CCDC78: variants seen among roughly 807,000 people sequenced by gnomAD.
CCDC78 encodes the protein coiled-coil domain containing 78.
CCDC78 carries 78 observed loss-of-function variants against 61.9 expected under a neutral mutation model. The observed-to-expected ratio is 1.26, with a 90% CI of 1.05 to 1.52. The LOEUF (loss-of-function observed/expected upper bound fraction) is 1.52, where lower values mean the gene tolerates loss of function less well. CCDC78 is among the 40% of genes most tolerant of loss of function. The probability of loss-of-function intolerance (pLI) is 0.00; values close to 1 mark genes in which losing one functional copy is unlikely to be tolerated. For synonymous variants in CCDC78, 287 were observed against 251.9 expected, an observed-to-expected ratio of 1.14 and a Z score of -1.32; for missense variants, 737 against 615.5, an observed-to-expected ratio of 1.20 and a Z score of -2.09.
At position 723,996 on chromosome 16, in the gene CCDC78, C is replaced by T. The variant is rs1331905485; in HGVS notation, c.1054-60G>A. On this transcript the variant is annotated intron_variant, in intron 10 of 13. Coordinates refer to ENST00000345165, the MANE Select transcript of CCDC78 (RefSeq NM_001378030.1). Reference sequence around the variant, plus strand: ...CTGAACAAGGCAAGCCCCTCAGAGGCCCGGGGCTGAGGTCTCTGTTGAGCC... The same window carrying T: ...CTGAACAAGGCAAGCCCCTCAGAGGTCCGGGGCTGAGGTCTCTGTTGAGCC... 7 of 1,593,094 alleles carry T rather than the reference C, an allele frequency of 4.4e-6. No homozygotes were observed. In the African/African-American group the frequency reaches 9.4e-5, roughly 21 times the overall value.
chr16:726,836 A>G (rs548298624), upstream of CCDC78: 125 of 173,686 alleles, frequency 7.2e-4, 1 homozygote, highest in Admixed American at 2.1e-3. Context: ...GGGGCCGGAG[A>G]ACTCGGAAAC....
Position 726,038 on chromosome 16 carries a change from G to T in CCDC78, c.108C>A (p.Thr36=). 1 of 1,548,682 alleles carries T rather than the reference G, an allele frequency of 6.5e-7. No homozygotes were observed. ...CTTCCAAGCTGGTGGCCCACACTGC[G>T]GTGCCCCCAGGAGCTCCTGGCAGCC... The part of the protein sequence containing the change: ...KDWLPGAPGG[T]AVWATSLEAE... The change falls in exon 2 of 14, where the codon ACC becomes ACA. Residue 36 remains threonine, a synonymous_variant. Transcript: ENST00000345165.
In CCDC78 at chr16:725,975, C is replaced by T; in HGVS notation, c.171G>A (p.Gln57=). The T allele has an allele frequency of 6.4e-7, 1 of 1,554,744 alleles. No individual in the cohort carries two copies. Among genetic ancestry groups the T allele is most frequent in the Non-Finnish European group, 8.7e-7 (1 of 1,149,192 alleles). Residue 57 remains glutamine (Q), a synonymous_variant, in exon 2 of 14, where the codon CAG becomes CAA. Transcript: ENST00000345165. ...GGGGCCCCACACCCACCTGCAGCTG[C>T]TGCTCCTTATTGAGCGCTAGATCTG... is the stretch of plus-strand genomic sequence containing the variant. The part of the protein sequence containing the change: ...VPPDLALNKE[Q]QLQISKELVD...
intron 11 of CCDC78, 79 bp downstream of exon 11, chr16:723,778 A>C: frequency 7.3e-7 from 1 of 1,366,264 alleles, no homozygotes; most frequent in Non-Finnish European, 1.0e-6. Context: ...TGGTGGAGCA[A>C]CTGGGGGCCC....
At position 726,321 on chromosome 16, in the gene CCDC78, C is replaced by G. The variant is rs117949611; in HGVS notation, c.47G>C (p.Arg16Pro). ...CAGAGGACTCACATTCTCCACCCGCCGAGAGGGAGGTCCAGGCCTGGGGCC... is the reference window on the plus strand; with the variant it reads ...CAGAGGACTCACATTCTCCACCCGCGGAGAGGGAGGTCCAGGCCTGGGGCC... ...TTGPRPGPPS[R>P]RVENVVLRAK... is the part of the protein sequence containing the mutation. The change falls in exon 1 of 14, where the codon CGG becomes CCG. Residue 16 changes from arginine (R) to proline (P), a missense_variant. Arg to Pro is a moderately radical substitution (Grantham distance 103). Coordinates refer to ENST00000345165, the MANE Select transcript of CCDC78 (RefSeq NM_001378030.1). 3.9e-6 allele frequency: 6 copies of G among 1,548,422 alleles called. No homozygotes were observed. Among genetic ancestry groups the G allele is most frequent in the Non-Finnish European group, 5.2e-6 (6 of 1,146,702 alleles).
chr16:722,840 G>T, intron 13 of CCDC78, 51 bp from the exon 14 acceptor site: 1 of 1,608,526 alleles, frequency 6.2e-7, no homozygotes. Context: ...GGACAGGTCT[G>T]CTTTTAGCGC....
At position 723,808 on chromosome 16, in the gene CCDC78, T is replaced by C. The variant is rs775534623; in HGVS notation, c.1133+49A>G. On this transcript the variant is annotated intron_variant, in intron 11 of 13. Transcript: ENST00000345165. The stretch of plus-strand genomic sequence containing the variant: ...GGGCCCCAGGGTGCAGGCGTTGTGC[T>C]CTCTGCTCATCCCCCACAGGCCTCC... The C allele has an allele frequency of 3.3e-6, 5 of 1,523,398 alleles. No individual in the cohort carries two copies. In the Admixed American group the frequency reaches 5.9e-5, roughly 18 times the overall value. 94.4% of individuals were successfully genotyped at this position (1,523,398 alleles called of 1,614,324 possible).
intron 3 of CCDC78, 53 bp downstream of exon 3, chr16:725,741 G>A: frequency 6.3e-7 from 1 of 1,577,836 alleles, no homozygotes; most frequent in Non-Finnish European, 8.6e-7. Context: ...ACGTGTCCTG[G>A]GCCTGCACCC....
intron 11 of CCDC78, 55 bp from the exon 12 acceptor site, chr16:723,216 G>A (rs767053926): frequency 1.3e-6 from 2 of 1,576,072 alleles, no homozygotes; most frequent in Non-Finnish European, 1.7e-6. Flanking sequence ...GGTGACACAG[G>A]GACAGACGTG....
intron 5 of CCDC78, 40 bp downstream of exon 5, chr16:725,197 G>T (rs763165522): frequency 1.2e-6 from 2 of 1,611,212 alleles, no homozygotes; most frequent in East Asian, 2.2e-5. Flanking sequence ...GGGGTCTCTG[G>T]TGCTGCCCTC....
At chr16:724,282 C>T in intron 9 of CCDC78, 40 bp downstream of exon 9, 1 of 1,599,126 alleles carries the variant, frequency 6.3e-7, no homozygotes, top group Non-Finnish European at 8.5e-7. Flanking sequence ...GGCTTAGAGA[C>T]CCACAGATGC....
rs759829476 is a variant in CCDC78, at chr16:724,899, G to GC, written c.639+11dup. 1.3e-6 allele frequency: 2 copies of GC among 1,597,488 alleles called. No homozygotes were observed. Among genetic ancestry groups the GC allele is most frequent in the Non-Finnish European group, 1.7e-6 (2 of 1,172,842 alleles). On this transcript the variant is annotated intron_variant, in intron 7 of 13. Coordinates refer to ENST00000345165, the MANE Select transcript of CCDC78 (RefSeq NM_001378030.1). ...CCCTCCAGGTCTCCAAGCAGTCAGG[G>GC]CAGAGCCTCACCACAGCCTGTGTGG...
At chr16:723,217 G>C in intron 11 of CCDC78, 56 bp from the exon 12 acceptor site, 1 of 1,569,642 alleles carries the variant, frequency 6.4e-7, no homozygotes, top group Non-Finnish European at 8.7e-7. Context: ...GTGACACAGG[G>C]ACAGACGTGA....
In CCDC78 at chr16:722,789, C is replaced by G. The variant is rs1234752547; in HGVS notation, c.1302G>C (p.Arg434Ser). 3.1e-6 allele frequency: 5 copies of G among 1,612,540 alleles called. No individual in the cohort carries two copies. The highest frequency in any genetic ancestry group is 4.2e-6 in the Non-Finnish European group (5 of 1,179,966). ...LQEYVDQHLGRYKHEILRLRK... is the reference protein window; with the variant it reads ...LQEYVDQHLGSYKHEILRLRK... ...TCAGCCTCAGGATTTCGTGCTTGTACCTGCTCAGAGGAACCATGCTTAAGT... is the reference window on the plus strand; with the variant it reads ...TCAGCCTCAGGATTTCGTGCTTGTAGCTGCTCAGAGGAACCATGCTTAAGT... The change falls in exon 14 of 14, where the codon AGG (arginine) becomes AGC (serine). Residue 434 changes from arginine (R) to serine (S), a missense_variant and splice_region_variant. Coordinates refer to ENST00000345165, the MANE Select transcript of CCDC78 (RefSeq NM_001378030.1).
At chr16:725,923 G>T (rs921639443) in intron 2 of CCDC78, 43 bp from the exon 3 acceptor site, 25 of 1,585,958 alleles carry the variant, frequency 1.6e-5, no homozygotes, top group Middle Eastern at 1.7e-4. Flanking sequence ...GGGCCCTGCT[G>T]GCACCCTCCC....
In CCDC78 at chr16:724,376, T is replaced by G; in HGVS notation, c.899A>C (p.His300Pro). 3 of 1,612,160 alleles carry G rather than the reference T, an allele frequency of 1.9e-6. No homozygotes were observed. The highest frequency in any genetic ancestry group is 1.7e-6 in the Non-Finnish European group (2 of 1,179,880). Residue 300 changes from histidine (H) to proline (P), a missense_variant, in exon 9 of 14, where the codon CAC (histidine) becomes CCC (proline). Coordinates refer to ENST00000345165, the MANE Select transcript of CCDC78 (RefSeq NM_001378030.1). ...GCGGCTCAGATCCACCAGCCTCTTG[T>G]GGTAGCTGCGGGCAGCCCGGGCCAG... ...QQLARAARSY[H>P]KRLVDLSRRH...
At chr16:723,576 C>T (rs762612559) in intron 11 of CCDC78, 20 of 684,320 alleles carry the variant, frequency 2.9e-5, no homozygotes, top group Non-Finnish European at 2.4e-5. Flanking sequence ...CCCTCGCGTC[C>T]TCCAGGTCTC....
Position 724,094 on chromosome 16 carries a change from C to T in CCDC78, c.1053+12G>A, listed in dbSNP as rs368223759. 89 of 1,583,984 alleles carry T rather than the reference C, an allele frequency of 5.6e-5. No homozygotes were observed. In the African/African-American group the frequency reaches 1.0e-3, roughly 18 times the overall value. ...ACCCGGGCCTGGAGCTTCTGGGGGT[C>T]TCTAGCCTCACCTGGTCCTCCCGAT... On this transcript the variant is annotated intron_variant, in intron 10 of 13. Transcript: ENST00000345165.
rs772492027 is a variant in CCDC78, at chr16:724,928, G to T, written c.622C>A (p.Leu208Met). The T allele has an allele frequency of 1.2e-6, 2 of 1,605,822 alleles. No individual in the cohort carries two copies. Among genetic ancestry groups the T allele is most frequent in the South Asian group, 2.2e-5 (2 of 90,380 alleles). The change falls in exon 7 of 14, where the codon CTG becomes ATG. Residue 208 changes from leucine (L) to methionine (M), a missense_variant. Transcript: ENST00000345165. ...AGCCTCACCACAGCCTGTGTGGCCA[G>T]TCGCTGCCCGGCTGCCCTGGCCTCC... ...REEARAAGQRLATQAVVLCSC... is the reference protein window; with the variant it reads ...REEARAAGQRMATQAVVLCSC...
Sources: gnomAD v4.1 joint callset for allele counts on GRCh38, gnomAD v4.1.1 for gene constraint, MANE v1.5 for transcripts, NCBI Gene and HGNC (gene_info 2026-07-23, HGNC 2026-07-21) for gene names.